SLCO3A1: variants seen among roughly 807,000 people sequenced by gnomAD.
SLCO3A1 encodes PGE1 transporter.
A neutral mutation model predicts 63.1 loss-of-function variants in SLCO3A1; 27 were observed. The observed-to-expected ratio is 0.43, with a 90% CI of 0.32 to 0.59. The LOEUF is 0.59. Among genes scored for constraint, SLCO3A1 ranks in the 20% least tolerant of loss-of-function variants. The pLI, the probability that SLCO3A1 is intolerant of heterozygous loss-of-function variation, is 0.09. For synonymous variants in SLCO3A1, 473 were observed against 409.9 expected (o/e 1.15, Z -1.86); for missense variants, 773 against 945.8 (o/e 0.82, Z 2.40).
At chr15:91,997,087 TAC>T (rs1555422609) in intron 2 of SLCO3A1, among the ~76,000 whole-genome samples, 1 of 152,180 alleles carries the variant, frequency 6.6e-6, no homozygotes, top group Non-Finnish European at 1.5e-5. Context: ...GATGTGACTC[TAC>T]ACCTAGAAAA....
chr15:91,947,616 C>T (rs1037875951), intron 2 of SLCO3A1, among the ~76,000 whole-genome samples: 1 of 152,176 alleles, frequency 6.6e-6, no homozygotes, highest in Non-Finnish European at 1.5e-5. Flanking sequence ...TGCCTTCGGC[C>T]TTTGTCACTT....
intron 1 of SLCO3A1, among the ~76,000 whole-genome samples, chr15:91,887,455 C>G (rs1437791536): frequency 6.6e-6 from 1 of 152,194 alleles, no homozygotes; most frequent in Non-Finnish European, 1.5e-5. Flanking sequence ...TGAGGCACCC[C>G]CTCCATTCAG....
chr15:92,143,618 T>C (rs1596141447), intron 7 of SLCO3A1, among the ~76,000 whole-genome samples: 1 of 140,010 alleles, frequency 7.1e-6, no homozygotes, highest in Non-Finnish European at 1.5e-5. Flanking sequence ...TTGATGTAGG[T>C]ATGTGAGCGG....
rs899333212 is a variant in SLCO3A1, at chr15:91,916,473, A to G, written c.646+15A>G. On this transcript the variant is annotated intron_variant, in intron 2 of 9. Transcript: ENST00000318445. The surrounding 1 kb of genome is among the most constrained non-coding windows in gnomAD (Gnocchi z 6.2). The stretch of plus-strand genomic sequence containing the variant: ...GCTCTATATAGGTAGGAGCTGCCCC[A>G]GCCGTATTAGCAAGAGACCAGGGTG... 1.3e-5 allele frequency: 21 copies of G among 1,561,992 alleles called. 1 individual carries two copies. In the Middle Eastern group the frequency reaches 1.2e-3, roughly 88 times the overall value.
chr15:92,128,668 C>T (rs2047956404), intron 7 of SLCO3A1, among the ~76,000 whole-genome samples, 179 bp downstream of exon 7: 1 of 152,124 alleles, frequency 6.6e-6, no homozygotes. Flanking sequence ...CTTGCTAAAT[C>T]AAGTGGGTTT....
At chr15:92,053,067 T>C (rs1302154868) in intron 2 of SLCO3A1, among the ~76,000 whole-genome samples, 2 of 152,210 alleles carry the variant, frequency 1.3e-5, no homozygotes, top group Admixed American at 6.5e-5. Context: ...GGCATGTATC[T>C]TATGCCCCTA....
In SLCO3A1 at chr15:91,886,628, A is replaced by G. The variant is rs796566464; in HGVS notation, c.181-29365A>G. Among the ~76,000 whole-genome samples, 11 of 152,330 alleles carry G rather than the reference A, an allele frequency of 7.2e-5. No individual in the cohort carries two copies. Among genetic ancestry groups the G allele is most frequent in the African/African-American group, 2.6e-4 (11 of 41,568 alleles). On this transcript the variant is annotated intron_variant, in intron 1 of 9. Coordinates refer to ENST00000318445, the MANE Select transcript of SLCO3A1 (RefSeq NM_013272.4). The surrounding 1 kb of genome is among the most constrained non-coding windows in gnomAD (Gnocchi z 4.9). ...GTGCTTACTGATTCCTAAGTCACCT[A>G]CTGGCACACAGCACAGATGCATCCA...
At chr15:92,051,045 G>A (rs1306282559) in intron 2 of SLCO3A1, among the ~76,000 whole-genome samples, 5 of 152,126 alleles carry the variant, frequency 3.3e-5, no homozygotes, top group African/African-American at 9.7e-5. Flanking sequence ...TCTGCCCCAC[G>A]TCACTCTGTC....
intron 7 of SLCO3A1, among the ~76,000 whole-genome samples, chr15:92,145,180 G>A (rs1042396573): frequency 2.6e-5 from 4 of 152,168 alleles, no homozygotes; most frequent in Non-Finnish European, 2.9e-5. Flanking sequence ...TAGCCCCACC[G>A]GATTCATGCG....
intron 4 of SLCO3A1, among the ~76,000 whole-genome samples, chr15:92,114,122 A>T (rs1031703908): frequency 5.9e-5 from 9 of 152,290 alleles, no homozygotes; most frequent in East Asian, 5.8e-4. Flanking sequence ...GGCAGGGGGC[A>T]TGTAATGGCA....
intron 4 of SLCO3A1, among the ~76,000 whole-genome samples, chr15:92,119,780 C>T (rs370013412): frequency 5.3e-5 from 8 of 152,178 alleles, no homozygotes; most frequent in South Asian, 2.1e-4. Flanking sequence ...GAGCTGATCT[C>T]GCTGACTGCT....
At chr15:92,049,933 A>G (rs2046937052) in intron 2 of SLCO3A1, among the ~76,000 whole-genome samples, 1 of 152,178 alleles carries the variant, frequency 6.6e-6, no homozygotes, top group African/African-American at 2.4e-5. Flanking sequence ...TTAATCACAG[A>G]AGAGTTCAGA....
At chr15:92,052,610 G>T (rs1369040084) in intron 2 of SLCO3A1, among the ~76,000 whole-genome samples, 1 of 152,112 alleles carries the variant, frequency 6.6e-6, no homozygotes, top group African/African-American at 2.4e-5. Flanking sequence ...ACAGGATTCA[G>T]TGTTAAAATG....
At chr15:92,049,245 C>T (rs1271095795) in intron 2 of SLCO3A1, among the ~76,000 whole-genome samples, 3 of 152,160 alleles carry the variant, frequency 2.0e-5, no homozygotes, top group Admixed American at 1.3e-4. Context: ...GCTTTAGCTT[C>T]GGTGCCAGCC....
chr15:91,926,596 T>TGTGTGTGTGTGTGTGTGTGC lies in SLCO3A1; in HGVS notation c.646+10139_646+10140insTGTGTGTGTGTGTGTGTGCG. Reference sequence around the variant, plus strand: ...GTGTGTGTGTGTGTGTGTGTGTGTGTGCGCGCGCGCACGCCCATGCTTATT... The same window carrying TGTGTGTGTGTGTGTGTGTGC: ...GTGTGTGTGTGTGTGTGTGTGTGTGTGTGTGTGTGTGTGTGTGTGCGCGCGCGCGCACGCCCATGCTTATT... On this transcript the variant is annotated intron_variant, in intron 2 of 9. Transcript: ENST00000318445. Among the ~76,000 whole-genome samples the TGTGTGTGTGTGTGTGTGTGC allele has an allele frequency of 9.4e-3, 991 of 105,154 alleles. 8 individuals are homozygous for TGTGTGTGTGTGTGTGTGTGC. The highest frequency in any genetic ancestry group is 0.011 in the African/African-American group (298 of 27,354). The allele number at this position is 105,154 out of a possible 152,430, so 69.0% of individuals were successfully genotyped here. A position where few individuals can be genotyped will look rare whatever the true frequency, so the allele number is the denominator to read the frequency against.
At chr15:92,153,417 C>G (rs1476790591) in intron 9 of SLCO3A1, 1 of 152,222 alleles carries the variant, frequency 6.6e-6, no homozygotes, top group African/African-American at 2.4e-5. Flanking sequence ...CTCTAGAAGA[C>G]TATGACACAG....
In SLCO3A1 at chr15:91,883,291, T is replaced by G. The variant is rs1334038489; in HGVS notation, c.180+29203T>G. 6.6e-6 allele frequency among the ~76,000 whole-genome samples: 1 copy of G among 152,170 alleles called. No homozygotes were observed. The highest frequency in any genetic ancestry group is 1.5e-5 in the Non-Finnish European group (1 of 68,016). On this transcript the variant is annotated intron_variant, in intron 1 of 9. Coordinates refer to ENST00000318445, the MANE Select transcript of SLCO3A1 (RefSeq NM_013272.4). This position sits in a 1 kb window ranked among gnomAD's most constrained non-coding sequence, Gnocchi z 4.8. ...TGTTTGGAGAGTGAAGAGAGAAACT[T>G]GGCACCGGGACCCTAGAATCCCCTC...
At chr15:91,978,553 C>G (rs1261517868) in intron 2 of SLCO3A1, among the ~76,000 whole-genome samples, 1 of 152,180 alleles carries the variant, frequency 6.6e-6, no homozygotes, top group African/African-American at 2.4e-5. Flanking sequence ...GTATTCAGGG[C>G]TCATAGTACA....
intron 4 of SLCO3A1, among the ~76,000 whole-genome samples, 190 bp downstream of exon 4, chr15:92,104,732 C>G (rs1188185499): frequency 7.2e-5 from 11 of 151,986 alleles, no homozygotes; most frequent in Admixed American, 7.2e-4. Context: ...ACCTGACTTG[C>G]TTAATAAAAA....
Sources: gnomAD v4.1 joint callset for allele counts (sites outside exome capture counted in the v4.1 genomes callset) on GRCh38, gnomAD v4.1.1 for gene constraint, Gnocchi (gnomAD v3.1) non-coding constraint, MANE v1.5 for transcripts, NCBI Gene and HGNC (gene_info 2026-07-23, HGNC 2026-07-21) for gene names.